Variants in RBFOX1 observed in about 807,000 individuals in gnomAD.
The protein encoded by RBFOX1 is RNA binding protein fox-1 homolog 1.
A neutral mutation model predicts 57.7 loss-of-function variants in RBFOX1; 8 were observed. That is an observed-to-expected ratio of 0.14 (90% CI 0.08 to 0.25). The LOEUF is 0.25. Ranked by LOEUF, RBFOX1 falls within the 10% of genes least tolerant of loss-of-function variation. The pLI, the probability that RBFOX1 is intolerant of heterozygous loss-of-function variation, is 1.00. For synonymous variants in RBFOX1, 326 were observed against 222.4 expected (o/e 1.47, Z -4.15); for missense variants, 611 against 548.5 (o/e 1.11, Z -1.14).
chr16:6,854,792 C>A (rs1417365273), intron 3 of RBFOX1, among the ~76,000 whole-genome samples: 1 of 151,786 alleles, frequency 6.6e-6, no homozygotes, highest in Non-Finnish European at 1.5e-5. Context: ...GACGGGGTTT[C>A]ACCATGTTAG....
At chr16:6,696,523 T>G (rs949891383) in intron 3 of RBFOX1, among the ~76,000 whole-genome samples, 24 of 152,198 alleles carry the variant, frequency 1.6e-4, no homozygotes, top group African/African-American at 4.6e-4. Flanking sequence ...CCGAATTAGA[T>G]GGAGAACTTC....
At chr16:5,952,376 C>G (rs551139121) in intron 4 of RBFOX1, among the ~76,000 whole-genome samples, 2 of 152,206 alleles carry the variant, frequency 1.3e-5, no homozygotes, top group South Asian at 2.1e-4. Context: ...GTCTCAAATT[C>G]CTGACCTCAA....
chr16:5,706,225 C>T (rs28582451), intron 3 of RBFOX1, among the ~76,000 whole-genome samples: 41,947 of 152,058 alleles, frequency 0.28, 6,384 homozygotes, highest in East Asian at 0.63. Flanking sequence ...TGCTTTTTTT[C>T]CTATGATTTT....
At chr16:6,518,916 T>C (rs1254777406) in intron 2 of RBFOX1, among the ~76,000 whole-genome samples, 1 of 152,076 alleles carries the variant, frequency 6.6e-6, no homozygotes. Context: ...GGATAGCATT[T>C]GGTCAGAGTT....
intron 4 of RBFOX1, among the ~76,000 whole-genome samples, chr16:7,383,279 A>C (rs1008942854): frequency 2.6e-5 from 4 of 151,838 alleles, no homozygotes; most frequent in African/African-American, 7.3e-5. Context: ...AAAAAAAAAA[A>C]AACGTAAAAT....
At chr16:5,508,216 T>C (rs1224015779) in intron 2 of RBFOX1, among the ~76,000 whole-genome samples, 1 of 152,214 alleles carries the variant, frequency 6.6e-6, no homozygotes, top group Non-Finnish European at 1.5e-5. Flanking sequence ...CAGACTGCAA[T>C]GCAGGCATTG....
intron 3 of RBFOX1, among the ~76,000 whole-genome samples, chr16:5,815,980 C>T (rs2055619398): frequency 6.6e-6 from 1 of 152,064 alleles, no homozygotes; most frequent in South Asian, 2.1e-4. Context: ...GATCTTACAG[C>T]CCCCAGGTAT....
intron 1 of RBFOX1, among the ~76,000 whole-genome samples, chr16:6,183,812 G>T (rs1333362401): frequency 6.6e-6 from 1 of 152,176 alleles, no homozygotes; most frequent in African/African-American, 2.4e-5. Context: ...AGTGTTAGCT[G>T]GGGTAGAAGC....
intron 3 of RBFOX1, among the ~76,000 whole-genome samples, chr16:5,624,684 C>G (rs558338693): frequency 1.3e-5 from 2 of 152,264 alleles, no homozygotes; most frequent in Admixed American, 1.3e-4. Flanking sequence ...GCGCTCTCAG[C>G]TACTGCAATG....
At chr16:6,679,894 T>G (rs1169629645) in intron 3 of RBFOX1, among the ~76,000 whole-genome samples, 5 of 148,984 alleles carry the variant, frequency 3.4e-5, no homozygotes, top group Non-Finnish European at 4.5e-5. Context: ...TTTTTTTTTT[T>G]TTTTTTTTTT....
chr16:5,491,131 C>A (rs559517935), intron 2 of RBFOX1, among the ~76,000 whole-genome samples: 4 of 152,198 alleles, frequency 2.6e-5, no homozygotes, highest in Non-Finnish European at 4.4e-5. Flanking sequence ...AGTCTGTCAT[C>A]GGCCGAAACA....
intron 14 of RBFOX1, among the ~76,000 whole-genome samples, chr16:7,708,085 A>G (rs535202422): frequency 1.3e-5 from 2 of 152,154 alleles, no homozygotes; most frequent in Non-Finnish European, 2.9e-5. Context: ...TCACGCCTGT[A>G]ATCCTAACAC....
intron 4 of RBFOX1, among the ~76,000 whole-genome samples, chr16:7,082,486 A>G (rs1343293769): frequency 6.6e-6 from 1 of 151,428 alleles, no homozygotes; most frequent in African/African-American, 2.4e-5. Flanking sequence ...GGAGGCTGAG[A>G]TGGGAGGATC....
chr16:7,644,696 T>C (rs1160217971), intron 11 of RBFOX1, among the ~76,000 whole-genome samples: 1 of 152,200 alleles, frequency 6.6e-6, no homozygotes. Flanking sequence ...GGGACCAACA[T>C]AGAGTCCTCA....
intron 4 of RBFOX1, among the ~76,000 whole-genome samples, chr16:7,070,272 A>G (rs937304657): frequency 6.6e-6 from 1 of 152,188 alleles, no homozygotes. Context: ...ACTCATTTAT[A>G]CTTGCCTCAG....
intron 1 of RBFOX1, among the ~76,000 whole-genome samples, chr16:6,254,905 C>A (rs1019199640): frequency 2.0e-5 from 3 of 152,060 alleles, no homozygotes; most frequent in Non-Finnish European, 4.4e-5. Context: ...CCATGCCCAC[C>A]CCCACTGTCT....
rs185955566 is a variant in RBFOX1, at chr16:6,918,993, G to A, written c.-15-133064G>A. Among the ~76,000 whole-genome samples, 18 of 152,192 alleles carry A rather than the reference G, an allele frequency of 1.2e-4. No individual in the cohort carries two copies. The East Asian group carries it at 3.5e-3, about 29-fold the overall frequency. ...AACAGCTAATGATTTTTGTTTGTTT[G>A]TTTTTGAGGCAGAGTGTTGCTCATT... On this transcript the variant is annotated intron_variant, in intron 3 of 15. Transcript: ENST00000550418.
At chr16:5,639,726 G>A (rs1444914555) in intron 3 of RBFOX1, among the ~76,000 whole-genome samples, 1 of 152,162 alleles carries the variant, frequency 6.6e-6, no homozygotes, top group Non-Finnish European at 1.5e-5. Flanking sequence ...AGGCTGCTCG[G>A]CATTTGGGCG....
chr16:5,775,564 G>A (rs530485712), intron 3 of RBFOX1, among the ~76,000 whole-genome samples: 76 of 152,196 alleles, frequency 5.0e-4, no homozygotes, highest in Non-Finnish European at 9.6e-4. Flanking sequence ...GACACCAGGT[G>A]CACAGGTGTC....
Sources: allele counts gnomAD v4.1 joint callset (sites outside exome capture counted in the v4.1 genomes callset), GRCh38; gene constraint gnomAD v4.1.1; transcripts MANE v1.5; gene names NCBI Gene and HGNC (gene_info 2026-07-23, HGNC 2026-07-21).